Variants in CNTN5 observed in about 807,000 individuals in gnomAD.
CNTN5 encodes contactin 5.
In CNTN5, 77 loss-of-function variants were observed where a neutral mutation model predicts 129.1. That is an observed-to-expected ratio of 0.60 (90% CI 0.50 to 0.72). The LOEUF is 0.72. CNTN5 is among the 30% of genes least tolerant of loss of function. The pLI is 0.00. For synonymous variants in CNTN5, 509 were observed against 465.6 expected, an observed-to-expected ratio of 1.09 and a Z score of -1.20; for missense variants, 1,478 against 1,328.8, an observed-to-expected ratio of 1.11 and a Z score of -1.75.
At chr11:99,115,294 G>A (rs975185775) in intron 1 of CNTN5, among the ~76,000 whole-genome samples, 1 of 152,026 alleles carries the variant, frequency 6.6e-6, no homozygotes, top group Non-Finnish European at 1.5e-5. Context: ...CTTCATTTGT[G>A]AATGGGCACA....
At chr11:99,197,064 G>C (rs907502306) in intron 1 of CNTN5, among the ~76,000 whole-genome samples, 6 of 151,816 alleles carry the variant, frequency 4.0e-5, no homozygotes, top group African/African-American at 1.5e-4. Context: ...GTTTAGCAGA[G>C]AAAAATGACC....
rs184387880 is a variant in CNTN5 at position 100,209,224 on chromosome 11, C to T, written c.1885-15468C>T. Among the ~76,000 whole-genome samples, 244 of 152,210 alleles carry T rather than the reference C, an allele frequency of 1.6e-3. 4 individuals are homozygous for T. Among genetic ancestry groups the T allele is most frequent in the Non-Finnish European group, 2.6e-4 (18 of 68,024 alleles). ...GCTGTGATATCATTTTGATACTAAA[C>T]TAAAATTTAGATTTTATGTGTGGTG... On this transcript the variant is annotated intron_variant, in intron 15 of 24. Coordinates refer to ENST00000524871, the MANE Select transcript of CNTN5 (RefSeq NM_014361.4).
intron 1 of CNTN5, among the ~76,000 whole-genome samples, chr11:99,248,978 G>A (rs1297387808): frequency 6.6e-6 from 1 of 152,100 alleles, no homozygotes; most frequent in Admixed American, 6.6e-5. Context: ...GAACTTGAAA[G>A]TAGTTTTTTT....
intron 20 of CNTN5, among the ~76,000 whole-genome samples, chr11:100,303,390 T>C (rs1172838474): frequency 6.6e-6 from 1 of 151,632 alleles, no homozygotes; most frequent in Non-Finnish European, 1.5e-5. Flanking sequence ...AAATTGGCTT[T>C]TTCTTCCACA....
intron 13 of CNTN5, among the ~76,000 whole-genome samples, chr11:100,173,160 C>T (rs1424660545): frequency 6.6e-6 from 1 of 152,126 alleles, no homozygotes; most frequent in Non-Finnish European, 1.5e-5. Context: ...ACCAGCTCTG[C>T]TTATCCAAAT....
chr11:100,173,341 G>A (rs1228590748), intron 13 of CNTN5, among the ~76,000 whole-genome samples: 1 of 152,094 alleles, frequency 6.6e-6, no homozygotes, highest in Admixed American at 6.6e-5. Context: ...AAGGAAGAGG[G>A]AAGGCTCCTA....
intron 18 of CNTN5, among the ~76,000 whole-genome samples, chr11:100,286,641 C>A (rs1454689572): frequency 6.0e-5 from 9 of 149,024 alleles, no homozygotes; most frequent in African/African-American, 2.3e-4. Context: ...GTAGATAAAA[C>A]CACAAAGATG....
At chr11:99,562,687 C>T (rs1948880634) in intron 3 of CNTN5, among the ~76,000 whole-genome samples, 1 of 152,002 alleles carries the variant, frequency 6.6e-6, no homozygotes, top group Admixed American at 6.6e-5. Flanking sequence ...TAAAAACATA[C>T]TGGCATTAAA....
chr11:99,971,317 G>A (rs1368303489), intron 8 of CNTN5, among the ~76,000 whole-genome samples: 1 of 152,092 alleles, frequency 6.6e-6, no homozygotes, highest in Non-Finnish European at 1.5e-5. Context: ...GGCCAGGGCA[G>A]GTGGATCATG....
chr11:99,285,604 AAAG>A (rs1173125681), intron 1 of CNTN5, among the ~76,000 whole-genome samples: 64 of 147,268 alleles, frequency 4.3e-4, no homozygotes, highest in African/African-American at 1.7e-3. Flanking sequence ...AAAAAAAAAA[AAAG>A]AAATGAAGAT....
At chr11:100,044,147 C>T (rs1409902530) in intron 9 of CNTN5, among the ~76,000 whole-genome samples, 2 of 116,434 alleles carry the variant, frequency 1.7e-5, no homozygotes, top group Admixed American at 9.8e-5. Context: ...TGTGTATGTA[C>T]ACACATATAT....
rs554068795 is a variant in CNTN5, at chr11:99,749,224, G to A, written c.56-70320G>A. ...AAAATAAAAAATACTCTGGTCCCAA[G>A]CATTTTGGGAACAGGGATTCTCAAC... On this transcript the variant is annotated intron_variant, in intron 3 of 24. Coordinates refer to ENST00000524871, the MANE Select transcript of CNTN5 (RefSeq NM_014361.4). Among the ~76,000 whole-genome samples, 50 of 152,178 alleles carry A rather than the reference G, an allele frequency of 3.3e-4. No individual in the cohort carries two copies. The South Asian group carries it at 9.8e-3, about 30-fold the overall frequency.
At chr11:100,247,800 A>T (rs374093244) in intron 16 of CNTN5, among the ~76,000 whole-genome samples, 4 of 151,804 alleles carry the variant, frequency 2.6e-5, no homozygotes, top group Admixed American at 6.6e-5. Flanking sequence ...TTATTGAAAT[A>T]TTTTTTCATG....
At chr11:99,358,837 A>T (rs1042098393) in intron 2 of CNTN5, among the ~76,000 whole-genome samples, 22 of 152,310 alleles carry the variant, frequency 1.4e-4, no homozygotes, top group African/African-American at 5.3e-4. Flanking sequence ...GATTACACCT[A>T]GGAAACTCAA....
Position 100,285,047 on chromosome 11 carries a change from A to G in CNTN5, c.2315-12578A>G, listed in dbSNP as rs190358248. On this transcript the variant is annotated intron_variant, in intron 18 of 24. Transcript: ENST00000524871. ...CCTACTCCTTTTGACCATTCTATTA[A>G]ATAAGATTTTTTAAATGCATGTAAA... Among the ~76,000 whole-genome samples the G allele has an allele frequency of 1.0e-3, 154 of 152,298 alleles. 1 individual carries two copies. Among genetic ancestry groups the G allele is most frequent in the South Asian group, 5.0e-3 (24 of 4,826 alleles).
At chr11:99,445,774 T>TC (rs1297034661) in intron 2 of CNTN5, among the ~76,000 whole-genome samples, 3 of 152,006 alleles carry the variant, frequency 2.0e-5, no homozygotes, top group Non-Finnish European at 4.4e-5. Context: ...TCATAGAAGT[T>TC]CCCCTCTCTT....
chr11:99,872,723 A>G (rs75234470), intron 6 of CNTN5, among the ~76,000 whole-genome samples: 5,918 of 152,186 alleles, frequency 0.039, 202 homozygotes, highest in East Asian at 0.17. Flanking sequence ...GTCCTGAAAA[A>G]GCATAAGCAC....
chr11:99,878,430 T>C (rs1274960264), intron 6 of CNTN5, among the ~76,000 whole-genome samples: 2 of 152,210 alleles, frequency 1.3e-5, no homozygotes, highest in Admixed American at 1.3e-4. Flanking sequence ...TTTCAAATTC[T>C]GAACAACAGT....
intron 1 of CNTN5, among the ~76,000 whole-genome samples, chr11:99,230,678 C>T (rs182358569): frequency 2.4e-4 from 37 of 152,060 alleles, no homozygotes; most frequent in African/African-American, 8.2e-4. Context: ...TTTTAAGTTC[C>T]GGGGTACAAG....
Sources: allele counts gnomAD v4.1 joint callset (sites outside exome capture counted in the v4.1 genomes callset), GRCh38; gene constraint gnomAD v4.1.1; transcripts MANE v1.5; gene names NCBI Gene and HGNC (gene_info 2026-07-23, HGNC 2026-07-21).